The following COG5 variants were observed in gnomAD, a reference collection of about 807,000 sequenced individuals.
COG5 encodes conserved oligomeric Golgi complex subunit 5.
In COG5, 86 loss-of-function variants were observed where a neutral mutation model predicts 110.4. That is an observed-to-expected ratio of 0.78 (90% CI 0.65 to 0.93). COG5 has a LOEUF of 0.93. COG5 is among the 40% of genes least tolerant of loss of function. The pLI is 0.00. For synonymous variants in COG5, 360 were observed against 334.6 expected (o/e 1.08, Z -0.83); for missense variants, 1,077 against 987.0 (o/e 1.09, Z -1.22).
intron 21 of COG5, chr7:107,208,129 C>T: frequency 1.0e-6 from 1 of 985,448 alleles, no homozygotes; most frequent in Non-Finnish European, 1.2e-6. Flanking sequence ...AAAGTCCCCT[C>T]CTTGCCAAGA....
intron 7 of COG5, among the ~76,000 whole-genome samples, chr7:107,412,182 G>A (rs183092583): frequency 3.3e-5 from 5 of 152,162 alleles, no homozygotes; most frequent in Admixed American, 3.3e-4. Context: ...GGTTGTTGAA[G>A]GGCTTAAATG....
At chr7:107,207,445 T>C (rs769715483) in intron 21 of COG5, among the ~76,000 whole-genome samples, 1 of 152,104 alleles carries the variant, frequency 6.6e-6, no homozygotes, top group Admixed American at 6.5e-5. Context: ...TAGATAAAAG[T>C]ACCACTAGGC....
In COG5 at chr7:107,258,148, T is replaced by C. The variant is rs919654501; in HGVS notation, c.1686+125A>G. On this transcript the variant is annotated intron_variant, in intron 15 of 21. Transcript: ENST00000297135. ...TTAAAAGAGTTAACTCCTTAGTTTA[T>C]TTTATAATCATCACATTTTCATTGT... 4.5e-6 allele frequency: 3 copies of C among 663,892 alleles called. No individual in the cohort carries two copies. The Admixed American group carries it at 7.3e-5, about 16-fold the overall frequency. The allele number at this position is 663,892 out of a possible 1,614,324, so 41.1% of individuals were successfully genotyped here.
At chr7:107,426,547 T>TCC (rs1321010930) in intron 6 of COG5, among the ~76,000 whole-genome samples, 2 of 152,182 alleles carry the variant, frequency 1.3e-5, no homozygotes, top group Non-Finnish European at 2.9e-5. Context: ...TAGGCTTGTA[T>TCC]CCTCATATGG....
At chr7:107,519,170 T>C (rs998470017) in intron 6 of COG5, among the ~76,000 whole-genome samples, 2 of 152,146 alleles carry the variant, frequency 1.3e-5, no homozygotes, top group Non-Finnish European at 2.9e-5. Context: ...GGGAAATTTA[T>C]AGCACTAAAT....
intron 10 of COG5, among the ~76,000 whole-genome samples, chr7:107,330,916 G>A (rs1434591412): frequency 1.3e-5 from 2 of 150,694 alleles, no homozygotes; most frequent in Non-Finnish European, 2.9e-5. Context: ...TCCGCCTTCC[G>A]GGTTCAAGCG....
At chr7:107,475,458 A>T in intron 6 of COG5, 1 of 612,520 alleles carries the variant, frequency 1.6e-6, no homozygotes, top group Non-Finnish European at 2.8e-6. Context: ...AAAATATTTT[A>T]AGTATTGGTT....
At chr7:107,467,733 G>T (rs905034212) in intron 6 of COG5, among the ~76,000 whole-genome samples, 3 of 152,048 alleles carry the variant, frequency 2.0e-5, no homozygotes, top group Non-Finnish European at 4.4e-5. Context: ...TTAAAAACAG[G>T]GGAAGTTGGA....
At chr7:107,285,244 G>A (rs868218638) in intron 12 of COG5, among the ~76,000 whole-genome samples, 16 of 152,138 alleles carry the variant, frequency 1.1e-4, no homozygotes, top group African/African-American at 2.9e-4. Context: ...ATGGAAGCAT[G>A]AAAGAACTTA....
intron 7 of COG5, among the ~76,000 whole-genome samples, chr7:107,380,562 G>A (rs1454272141): frequency 6.6e-6 from 1 of 152,138 alleles, no homozygotes; most frequent in Admixed American, 6.5e-5. Context: ...AGAAAACCTA[G>A]AAGAAATGGA....
chr7:107,421,421 G>A (rs1029263134), intron 6 of COG5, among the ~76,000 whole-genome samples: 3 of 152,108 alleles, frequency 2.0e-5, no homozygotes, highest in African/African-American at 7.2e-5. Context: ...ACTACACATG[G>A]AACATTATCC....
intron 7 of COG5, among the ~76,000 whole-genome samples, chr7:107,378,869 A>G (rs921238214): frequency 1.2e-4 from 18 of 152,222 alleles, no homozygotes; most frequent in African/African-American, 4.3e-4. Context: ...ATCCAGGAGA[A>G]CTTCCCCAAC....
At chr7:107,266,566 T>C (rs1803819273) in intron 14 of COG5, among the ~76,000 whole-genome samples, 1 of 152,222 alleles carries the variant, frequency 6.6e-6, no homozygotes, top group African/African-American at 2.4e-5. Context: ...TATTCTTCTT[T>C]AAATTTTGGT....
At chr7:107,543,077 G>T (rs2129169787) in intron 5 of COG5, among the ~76,000 whole-genome samples, 1 of 152,098 alleles carries the variant, frequency 6.6e-6, no homozygotes, top group Non-Finnish European at 1.5e-5. Context: ...AAAAATCAAT[G>T]TGATATGTTT....
chr7:107,219,234 T>C (rs1053023023), intron 19 of COG5, among the ~76,000 whole-genome samples: 1 of 152,190 alleles, frequency 6.6e-6, no homozygotes, highest in Admixed American at 6.5e-5. Flanking sequence ...TGTACACTGT[T>C]GGTGGGAATG....
At position 107,295,038 on chromosome 7, in the gene COG5, TAC is replaced by T. The variant is rs1249923848; in HGVS notation, c.1313+3102_1313+3103del. ...ACACATATATATATACACACACATA[TAC>T]ACACACACACACACACACACACACA... On this transcript the variant is annotated intron_variant, in intron 12 of 21. Transcript: ENST00000297135. 7.1e-3 allele frequency among the ~76,000 whole-genome samples: 376 copies of T among 53,300 alleles called. 4 individuals are homozygous for T. Among genetic ancestry groups the T allele is most frequent in the Middle Eastern group, 0.043 (4 of 94 alleles). 35.0% of individuals were successfully genotyped at this position (53,300 alleles called of 152,430 possible). A position where few individuals can be genotyped will look rare whatever the true frequency, so the allele number is the denominator to read the frequency against.
intron 6 of COG5, among the ~76,000 whole-genome samples, chr7:107,420,483 C>T (rs1219260750): frequency 1.3e-5 from 2 of 152,168 alleles, no homozygotes; most frequent in Admixed American, 6.5e-5. Context: ...TGTTTTGAGA[C>T]GGAGTCTTGC....
intron 7 of COG5, among the ~76,000 whole-genome samples, chr7:107,376,466 G>C (rs1280205663): frequency 2.0e-5 from 3 of 151,690 alleles, no homozygotes; most frequent in Non-Finnish European, 4.4e-5. Flanking sequence ...ATGTTTTATA[G>C]ATAGTTTTCT....
At chr7:107,355,169 C>T (rs1262312488) in intron 10 of COG5, among the ~76,000 whole-genome samples, 4 of 152,054 alleles carry the variant, frequency 2.6e-5, no homozygotes, top group African/African-American at 7.2e-5. Context: ...CTCACAAACA[C>T]AGGTTTAAAA....
Sources: gnomAD v4.1 joint callset for allele counts (sites outside exome capture counted in the v4.1 genomes callset) on GRCh38, gnomAD v4.1.1 for gene constraint, MANE v1.5 for transcripts, NCBI Gene and HGNC (gene_info 2026-07-23, HGNC 2026-07-21) for gene names.